The following RIF1 variants were observed in gnomAD, a reference collection of about 807,000 sequenced individuals.
The protein encoded by RIF1 is replication timing regulatory factor 1, also known as telomere-associated protein RIF1.
A neutral mutation model predicts 247.1 loss-of-function variants in RIF1; 45 were observed. That is an observed-to-expected ratio of 0.18 (90% confidence interval 0.14 to 0.23). The LOEUF (loss-of-function observed/expected upper bound fraction) is 0.23, where lower values mean the gene tolerates loss of function less well. RIF1 is among the 10% of genes least tolerant of loss of function. The pLI is 1.00. For missense variants in RIF1, 2,967 were observed against 2,862.5 expected, an observed-to-expected ratio of 1.04 and a Z score of -0.83; for synonymous variants, 1,087 against 978.8, an observed-to-expected ratio of 1.11 and a Z score of -2.06.
Position 151,496,607 on chromosome 2 carries a change from A to G in RIF1, c.*513+1281A>G, listed in dbSNP as rs193058425. Among the ~76,000 whole-genome samples, 26 of 152,280 alleles carry G rather than the reference A, an allele frequency of 1.7e-4. No individual in the cohort carries two copies. The East Asian group carries it at 3.7e-3, about 21-fold the overall frequency. ...TGGGGAAAGGCTGTCAGAGTTATCC[A>G]TGTTATTTTTTTTCATTTTTGTGAG... On this transcript the variant is annotated intron_variant and NMD_transcript_variant, in intron 10 of 13. Transcript: ENST00000454583.
intron 9 of RIF1, chr2:151,490,638 C>T: frequency 8.1e-7 from 1 of 1,239,552 alleles, no homozygotes; most frequent in Non-Finnish European, 1.1e-6. Flanking sequence ...AAGTACTTTC[C>T]CATGGGTCAA....
intron 4 of RIF1, among the ~76,000 whole-genome samples, chr2:151,416,235 C>G (rs920079752): frequency 3.9e-5 from 6 of 152,194 alleles, no homozygotes; most frequent in Non-Finnish European, 7.3e-5. Context: ...AGGAGTTGTT[C>G]ATTTTGGAGC....
At position 151,474,059 on chromosome 2, in the gene RIF1, A is replaced by C. The variant is rs780272188; in HGVS notation, c.7191A>C (p.Glu2397Asp). 6.7e-7 allele frequency: 1 copy of C among 1,491,992 alleles called. No individual in the cohort carries two copies. Among genetic ancestry groups the C allele is most frequent in the South Asian group, 1.2e-5 (1 of 86,086 alleles). 92.4% of individuals were successfully genotyped at this position (1,491,992 alleles called of 1,614,324 possible). The change falls in exon 35 of 36, where the codon GAA (glutamate) becomes GAC (aspartate). Residue 2397 changes from glutamate to aspartate, a missense_variant. This residue lies in a region of RIF1 where 151 missense variants were observed against 163.4 expected (regional missense o/e 0.92). Coordinates refer to ENST00000444746, the MANE Select transcript of RIF1 (RefSeq NM_018151.5). ...ATAAATCTTTGTCACCTGATGAAGA[A>C]AGACTTGTCTCAGGTATATTTTAGC... ...IENKSLSPDEERLVSDIIDPV... is the reference protein window; with the variant it reads ...IENKSLSPDEDRLVSDIIDPV...
Position 151,414,929 on chromosome 2 carries a change from T to C in RIF1, c.280+10T>C. On this transcript the variant is annotated intron_variant, in intron 4 of 35. Transcript: ENST00000444746. The stretch of plus-strand genomic sequence containing the variant: ...ACCTCAGAATTATCAGGTAGATAAA[T>C]TTCTTATGACTTAATATTTTTAGAG... 2 of 1,520,056 alleles carry C rather than the reference T, an allele frequency of 1.3e-6. No individual in the cohort carries two copies. Among genetic ancestry groups the C allele is most frequent in the Non-Finnish European group, 1.8e-6 (2 of 1,097,204 alleles). 94.2% of individuals were successfully genotyped at this position (1,520,056 alleles called of 1,614,324 possible). A position where few individuals can be genotyped will look rare whatever the true frequency, so the allele number is the denominator to read the frequency against.
In RIF1 at chr2:151,507,085, G is replaced by T. The variant is rs1032650694; in HGVS notation, c.*1028-644G>T. 15 of 957,292 alleles carry T rather than the reference G, an allele frequency of 1.6e-5. No homozygotes were observed. The Middle Eastern group carries it at 9.8e-4, about 62-fold the overall frequency. The allele number at this position is 957,292 out of a possible 1,614,324, so 59.3% of individuals were successfully genotyped here. On this transcript the variant is annotated intron_variant and NMD_transcript_variant, in intron 13 of 13. Transcript: ENST00000454583. Reference sequence around the variant, plus strand: ...GTTTTCTTTATTTGTCCTATATTATGTGAAGAAAATTAAAATCCTGTATCT... The same window carrying T: ...GTTTTCTTTATTTGTCCTATATTATTTGAAGAAAATTAAAATCCTGTATCT...
chr2:151,436,797 G>A, intron 11 of RIF1, 30 bp from the exon 12 acceptor site: 2 of 1,494,596 alleles, frequency 1.3e-6, no homozygotes, highest in Non-Finnish European at 9.0e-7. Flanking sequence ...GAGCTTGTAT[G>A]ACTTAACTCT....
At chr2:151,472,763 T>G (rs1325577574) in intron 34 of RIF1, among the ~76,000 whole-genome samples, 1 of 152,192 alleles carries the variant, frequency 6.6e-6, no homozygotes, top group Non-Finnish European at 1.5e-5. Flanking sequence ...TGCTGCTGGA[T>G]TCGTTTTGCC....
At chr2:151,493,204 G>T in intron 9 of RIF1, 1 of 624,392 alleles carries the variant, frequency 1.6e-6, no homozygotes, top group Non-Finnish European at 2.8e-6. Context: ...AATTTTTATG[G>T]TGTTAAAACG....
At chr2:151,411,369 C>A in intron 3 of RIF1, 31 bp downstream of exon 3, 2 of 1,344,048 alleles carry the variant, frequency 1.5e-6, no homozygotes, top group Non-Finnish European at 2.1e-6. Flanking sequence ...CAGTTTTTCA[C>A]TTTTGGTAGT....
intron 10 of RIF1, among the ~76,000 whole-genome samples, chr2:151,433,964 G>C (rs1004716552): frequency 4.6e-5 from 7 of 151,882 alleles, no homozygotes; most frequent in African/African-American, 1.7e-4. Flanking sequence ...CTGAGCTCAG[G>C]AGTTTGAGAC....
At chr2:151,494,113 A>G in intron 9 of RIF1, 6 of 1,481,044 alleles carry the variant, frequency 4.1e-6, no homozygotes, top group Non-Finnish European at 5.6e-6. Context: ...CCAAACTGCA[A>G]GAGTTATTTT....
At chr2:151,436,737 A>G in intron 11 of RIF1, 90 bp from the exon 12 acceptor site, 5 of 951,486 alleles carry the variant, frequency 5.3e-6, no homozygotes, top group Admixed American at 3.2e-5. Context: ...CTCTGTTTTT[A>G]AAAGTTTCAT....
chr2:151,460,213 C>G (rs754288106), intron 26 of RIF1, 94 bp downstream of exon 26: 16 of 1,020,844 alleles, frequency 1.6e-5, no homozygotes, highest in Non-Finnish European at 2.2e-5. Flanking sequence ...CTATAAAAGA[C>G]TAAATAAAGG....
At chr2:151,442,048 T>TTTTTATTTTATTCTA in intron 16 of RIF1, 57 bp downstream of exon 16, 1 of 236,814 alleles carries the variant, frequency 4.2e-6, no homozygotes, top group Admixed American at 4.8e-5. Flanking sequence ...ATACTTCCCT[T>TTTTTATTTTATTCTA]TTTTATTTTA....
intron 15 of RIF1, among the ~76,000 whole-genome samples, 153 bp downstream of exon 15, chr2:151,440,280 T>G (rs1416356500): frequency 6.6e-6 from 1 of 152,152 alleles, no homozygotes. Context: ...GCCATTCTAT[T>G]AACTGTAGAG....
rs1471724774 is a variant in RIF1 at position 151,468,160 on chromosome 2, T to C, written c.6747+14T>C. The C allele has an allele frequency of 2.5e-6, 4 of 1,593,422 alleles. No homozygotes were observed. Among genetic ancestry groups the C allele is most frequent in the Non-Finnish European group, 2.6e-6 (3 of 1,166,372 alleles). ...ACACAATCTAAGGTAAGCTATAGGC[T>C]TTAAAATATACATATATGTATACCG... On this transcript the variant is annotated intron_variant, in intron 31 of 35. Coordinates refer to ENST00000444746, the MANE Select transcript of RIF1 (RefSeq NM_018151.5).
rs1372989795 is a variant in RIF1, at chr2:151,438,665, A to G, written c.1484-19A>G. ...ATATGTACTTCATTTAAAATACTCA[A>G]GTTTATTTTGTTTGACAGATGTGGT... On this transcript the variant is annotated intron_variant, in intron 13 of 35. Transcript: ENST00000444746. 1.3e-6 allele frequency: 2 copies of G among 1,582,752 alleles called. No homozygotes were observed. Among genetic ancestry groups the G allele is most frequent in the Non-Finnish European group, 1.7e-6 (2 of 1,151,546 alleles).
chr2:151,453,975 T>C (rs1391119423), intron 21 of RIF1, among the ~76,000 whole-genome samples: 1 of 152,212 alleles, frequency 6.6e-6, no homozygotes, highest in Non-Finnish European at 1.5e-5. Context: ...TACAACTTGA[T>C]CATTCACTTG....
At chr2:151,516,403 C>T in the RIF1 span, 1 of 1,239,902 alleles carries the variant, frequency 8.1e-7, no homozygotes, top group African/African-American at 1.5e-5. Context: ...ATGGGCAGAG[C>T]TTGTGTTCAG....
Sources: gnomAD v4.1 joint callset for allele counts (sites outside exome capture counted in the v4.1 genomes callset) on GRCh38, gnomAD v4.1.1 for gene constraint, gnomAD v4.1.1 regional missense constraint, MANE v1.5 for transcripts, NCBI Gene and HGNC (gene_info 2026-07-23, HGNC 2026-07-21) for gene names.